COL15A1: variants seen among roughly 807,000 people sequenced by gnomAD.
COL15A1 encodes collagen type XV alpha 1 chain.
A neutral mutation model predicts 165.9 loss-of-function variants in COL15A1; 111 were observed. The observed-to-expected ratio is 0.67, with a 90% CI of 0.57 to 0.78. The LOEUF is 0.78. Ranked by LOEUF, COL15A1 falls within the 30% of genes least tolerant of loss-of-function variation. The pLI is 0.00. For synonymous variants in COL15A1, 659 were observed against 674.8 expected (o/e 0.98, Z 0.36); for missense variants, 1,745 against 1,789.7 (o/e 0.98, Z 0.45).
In COL15A1 at chr9:99,047,967, G is replaced by C; in HGVS notation, c.2760G>C (p.Lys920Asn). Residue 920 changes from lysine (K) to asparagine (N), a missense_variant, in exon 28 of 42, where the codon AAG becomes AAC. Physicochemically the swap from Lys to Asn is moderately conservative, Grantham distance 94. Transcript: ENST00000375001. The part of the protein sequence containing the change: ...RPGRPGLNGL[K>N]GTKGDPGVIM... ...GTCGCCCAGGACTGAATGGCCTCAA[G>C]GGTACCAAAGGAGATCCAGGGGTCA... 1 of 1,603,208 alleles carries C rather than the reference G, an allele frequency of 6.2e-7. No homozygotes were observed. Among genetic ancestry groups the C allele is most frequent in the Non-Finnish European group, 8.5e-7 (1 of 1,172,706 alleles).
At chr9:99,002,024 T>C (rs1016727549) in intron 7 of COL15A1, among the ~76,000 whole-genome samples, 16 of 152,146 alleles carry the variant, frequency 1.1e-4, no homozygotes, top group African/African-American at 3.9e-4. Flanking sequence ...TTTTATCTTG[T>C]CTATCTCCAG....
chr9:98,946,488 CT>C (rs1052147257), intron 2 of COL15A1, among the ~76,000 whole-genome samples: 2 of 152,310 alleles, frequency 1.3e-5, no homozygotes, highest in Admixed American at 1.3e-4. Flanking sequence ...ACAATGTCAC[CT>C]TCACCACGTC....
intron 11 of COL15A1, among the ~76,000 whole-genome samples, chr9:99,017,458 A>G (rs1049587645): frequency 6.6e-6 from 1 of 152,170 alleles, no homozygotes; most frequent in African/African-American, 2.4e-5. Flanking sequence ...GATGCTGCTG[A>G]CTTGTTGTAG....
intron 26 of COL15A1, among the ~76,000 whole-genome samples, chr9:99,047,177 G>A (rs370627493): frequency 6.6e-6 from 1 of 152,208 alleles, no homozygotes; most frequent in Non-Finnish European, 1.5e-5. Flanking sequence ...GTTCCTGAAG[G>A]TTGCAACAGA....
chr9:99,048,547 T>C (rs1273494027), intron 28 of COL15A1, among the ~76,000 whole-genome samples: 2 of 150,528 alleles, frequency 1.3e-5, no homozygotes, highest in East Asian at 3.9e-4. Context: ...TTGTTTTGTT[T>C]TATTATTATT....
intron 2 of COL15A1, among the ~76,000 whole-genome samples, chr9:98,972,661 C>A (rs1838080105): frequency 6.6e-6 from 1 of 152,168 alleles, no homozygotes; most frequent in South Asian, 2.1e-4. Context: ...ACATTCTGTT[C>A]ATTCAGAGTC....
intron 22 of COL15A1, among the ~76,000 whole-genome samples, chr9:99,039,584 C>A (rs1188386801): frequency 6.6e-6 from 1 of 152,122 alleles, no homozygotes; most frequent in Non-Finnish European, 1.5e-5. Context: ...GCACAATGGC[C>A]CTAAGATGAA....
At chr9:99,024,771 CA>C in intron 14 of COL15A1, 102 bp from the exon 15 acceptor site, 1 of 1,374,966 alleles carries the variant, frequency 7.3e-7, no homozygotes, top group Non-Finnish European at 9.9e-7. Context: ...CCAAACCCTA[CA>C]TGTAGGATTG....
chr9:99,068,442 C>T lies in COL15A1; in HGVS notation c.3838-113C>T, dbSNP rs1588543113. 7 of 459,956 alleles carry T rather than the reference C, an allele frequency of 1.5e-5. No homozygotes were observed. The East Asian group carries it at 2.6e-4, about 17-fold the overall frequency. The allele number at this position is 459,956 out of a possible 1,614,324, so 28.5% of individuals were successfully genotyped here. On this transcript the variant is annotated intron_variant, in intron 40 of 41. Coordinates refer to ENST00000375001, the MANE Select transcript of COL15A1 (RefSeq NM_001855.5). ...ATCCCACCATTGCACTCCAGCCTGG[C>T]TGGATGACAAAAGCGAAACTGTGTC...
chr9:99,051,931 T>C (rs552729585), intron 30 of COL15A1, among the ~76,000 whole-genome samples: 20 of 152,236 alleles, frequency 1.3e-4, no homozygotes, highest in East Asian at 3.8e-4. Flanking sequence ...TACCTGCCCA[T>C]GATGCTCATC....
chr9:98,965,324 T>C (rs1837938843), intron 2 of COL15A1, among the ~76,000 whole-genome samples: 1 of 152,174 alleles, frequency 6.6e-6, no homozygotes, highest in Non-Finnish European at 1.5e-5. Flanking sequence ...GGAAAAAGAA[T>C]TGAGAGTAGC....
chr9:98,989,086 G>T, intron 4 of COL15A1, 92 bp from the exon 5 acceptor site: 2 of 818,302 alleles, frequency 2.4e-6, no homozygotes, highest in South Asian at 2.8e-5. Context: ...TAGGAGAGTC[G>T]GTTTGTCAGT....
In COL15A1 at chr9:98,976,562, T is replaced by C. The variant is rs552567009; in HGVS notation, c.101-9003T>C. On this transcript the variant is annotated intron_variant, in intron 2 of 41. Transcript: ENST00000375001. ...GGAACGTGGACTTTCAGGTGATGGA[T>C]GGGCATGCAGTGAGGTCACTGTTGG... 1.2e-4 allele frequency among the ~76,000 whole-genome samples: 18 copies of C among 152,276 alleles called. No individual in the cohort carries two copies. In the East Asian group the frequency reaches 3.5e-3, roughly 29 times the overall value.
intron 7 of COL15A1, among the ~76,000 whole-genome samples, chr9:99,003,168 G>A (rs1487511628): frequency 6.6e-6 from 1 of 152,258 alleles, no homozygotes. Flanking sequence ...GGGAGGCAAT[G>A]GGTTTCAGTA....
chr9:99,032,165 A>G (rs1839220785), intron 16 of COL15A1, among the ~76,000 whole-genome samples: 1 of 151,226 alleles, frequency 6.6e-6, no homozygotes, highest in Non-Finnish European at 1.5e-5. Context: ...TTGTTACTAA[A>G]TGTGGATTAT....
chr9:99,018,791 T>C (rs1838977885), intron 11 of COL15A1, among the ~76,000 whole-genome samples: 2 of 152,250 alleles, frequency 1.3e-5, no homozygotes, highest in Non-Finnish European at 2.9e-5. Context: ...TGGTTAACTA[T>C]TTAAAAATAC....
chr9:99,032,101 G>T (rs1399178706), intron 16 of COL15A1, among the ~76,000 whole-genome samples: 1 of 151,776 alleles, frequency 6.6e-6, no homozygotes, highest in Non-Finnish European at 1.5e-5. Flanking sequence ...TTTCTCTTTG[G>T]CAAATTTGGG....
chr9:98,983,346 G>A (rs905152294), intron 2 of COL15A1, among the ~76,000 whole-genome samples: 19 of 152,134 alleles, frequency 1.2e-4, no homozygotes, highest in Non-Finnish European at 4.4e-5. Context: ...TGATATAGTA[G>A]GCAGACTAGG....
At position 98,985,824 on chromosome 9, in the gene COL15A1, G is replaced by A. The variant is rs778572972; in HGVS notation, c.360G>A (p.Leu120=). ...ITDAFQKVIY[L]GLRLSGVEDG... is the part of the protein sequence containing the mutation. ...ACGCCTTCCAGAAGGTCATCTACCT[G>A]GGCCTGCGGCTCTCAGGTGTGGAGG... The change falls in exon 3 of 42, where the codon CTG becomes CTA. Residue 120 remains leucine (L), a synonymous_variant. Transcript: ENST00000375001. 5.3e-5 allele frequency: 86 copies of A among 1,613,828 alleles called. No individual in the cohort carries two copies. The highest frequency in any genetic ancestry group is 6.8e-5 in the Non-Finnish European group (80 of 1,180,048).
Sources: allele counts gnomAD v4.1 joint callset (sites outside exome capture counted in the v4.1 genomes callset), GRCh38; gene constraint gnomAD v4.1.1; transcripts MANE v1.5; gene names NCBI Gene and HGNC (gene_info 2026-07-23, HGNC 2026-07-21).